The following SOS1 variants were observed in gnomAD, a reference collection of about 807,000 sequenced individuals.
The protein encoded by SOS1 is SOS Ras/Rac guanine nucleotide exchange factor 1.
SOS1 carries 25 observed loss-of-function variants against 157.6 expected under a neutral mutation model. The ratio of observed to expected loss-of-function variants is 0.16; its 90% CI spans 0.12 to 0.22. The LOEUF (loss-of-function observed/expected upper bound fraction) is 0.22. Ranked by LOEUF, SOS1 falls within the 10% of genes least tolerant of loss-of-function variation. SOS1 has a pLI of 1.00. For missense variants in SOS1, 1,237 were observed against 1,599.1 expected (o/e 0.77, Z 3.86); for synonymous variants, 528 against 534.0 (o/e 0.99, Z 0.16).
intron 1 of SOS1, among the ~76,000 whole-genome samples, chr2:39,077,686 A>G (rs1365072074): frequency 6.6e-6 from 1 of 152,216 alleles, no homozygotes; most frequent in Non-Finnish European, 1.5e-5. Flanking sequence ...CTTGTATGAA[A>G]ATAATATAAA....
At chr2:39,096,151 A>T (rs1279023490) in intron 1 of SOS1, among the ~76,000 whole-genome samples, 1 of 152,228 alleles carries the variant, frequency 6.6e-6, no homozygotes, top group Non-Finnish European at 1.5e-5. Context: ...TAGACAGGGG[A>T]AAGCAAGACT....
At chr2:39,056,928 A>G in intron 3 of SOS1, 62 bp from the exon 4 acceptor site, 1 of 1,172,304 alleles carries the variant, frequency 8.5e-7, no homozygotes, top group Admixed American at 1.8e-5. Context: ...CACACTGATT[A>G]AAAATAAAAA....
intron 1 of SOS1, among the ~76,000 whole-genome samples, chr2:39,102,230 A>AAAAAAAAAAAT (rs1553370166): frequency 2.8e-5 from 4 of 142,860 alleles, no homozygotes; most frequent in Non-Finnish European, 4.5e-5. Flanking sequence ...AAAAAAAAAA[A>AAAAAAAAAAAT]GTGCCACTTT....
chr2:39,049,225 T>C (rs1023579180), intron 6 of SOS1, among the ~76,000 whole-genome samples: 3 of 152,214 alleles, frequency 2.0e-5, no homozygotes, highest in African/African-American at 7.2e-5. Context: ...GCTATCCTTA[T>C]TACTTTCAAT....
In SOS1 at chr2:39,120,403, G is replaced by A. The variant is rs755983212; in HGVS notation, c.20C>T (p.Pro7Leu). Residue 7 changes from proline to leucine, a missense_variant, in exon 1 of 23, where the codon CCC becomes CTC. This residue lies in a region of SOS1 where 99 missense variants were observed against 81.6 expected (regional missense o/e 1.21). Coordinates refer to ENST00000402219, the MANE Select transcript of SOS1 (RefSeq NM_005633.4). Reference protein sequence around the residue: MQAQQLPYEFFSEENAP... With the variant: MQAQQLLYEFFSEENAP... ...GTTCTCTTCGCTGAAAAACTCGTAGGGCAGCTGCTGCGCCTGCATGGTGCC... is the reference window on the plus strand; with the variant it reads ...GTTCTCTTCGCTGAAAAACTCGTAGAGCAGCTGCTGCGCCTGCATGGTGCC... 8.1e-6 allele frequency: 13 copies of A among 1,597,718 alleles called. No individual in the cohort carries two copies. Among genetic ancestry groups the A allele is most frequent in the Non-Finnish European group, 1.1e-5 (13 of 1,173,816 alleles).
chr2:39,020,841 T>C (rs1166093544), intron 10 of SOS1, among the ~76,000 whole-genome samples: 1 of 151,702 alleles, frequency 6.6e-6, no homozygotes, highest in African/African-American at 2.4e-5. Flanking sequence ...ACCAGTAATA[T>C]ATTTATGACA....
intron 6 of SOS1, among the ~76,000 whole-genome samples, chr2:39,037,531 A>T (rs1255117406): frequency 6.6e-6 from 1 of 151,720 alleles, no homozygotes; most frequent in Non-Finnish European, 1.5e-5. Flanking sequence ...TCACAATTAT[A>T]AAAAAAAATT....
intron 8 of SOS1, among the ~76,000 whole-genome samples, chr2:39,031,433 T>G (rs1356703399): frequency 6.6e-6 from 1 of 152,074 alleles, no homozygotes; most frequent in African/African-American, 2.4e-5. Flanking sequence ...TTGCTAACCT[T>G]TAAAATATTG....
At chr2:39,003,871 C>G (rs952054399) in intron 17 of SOS1, among the ~76,000 whole-genome samples, 4 of 152,280 alleles carry the variant, frequency 2.6e-5, no homozygotes, top group Non-Finnish European at 4.4e-5. Context: ...GGACTGGATA[C>G]TTACTTATTG....
At chr2:39,050,217 C>T (rs773396459) in intron 6 of SOS1, among the ~76,000 whole-genome samples, 1 of 152,188 alleles carries the variant, frequency 6.6e-6, no homozygotes, top group East Asian at 1.9e-4. Context: ...AGTGAGAACA[C>T]AGCAAATGCT....
chr2:39,112,966 G>A (rs1038338290), intron 1 of SOS1, among the ~76,000 whole-genome samples: 3 of 151,938 alleles, frequency 2.0e-5, no homozygotes, highest in Non-Finnish European at 4.4e-5. Context: ...AACCTGGGAG[G>A]TGGAGGCTAC....
chr2:39,045,795 G>A (rs905450633), intron 6 of SOS1, among the ~76,000 whole-genome samples: 2 of 152,044 alleles, frequency 1.3e-5, no homozygotes, highest in Admixed American at 6.6e-5. Flanking sequence ...CCGCAACTCC[G>A]CCTCCTGGCT....
chr2:39,038,377 T>C (rs1241490671), intron 6 of SOS1, among the ~76,000 whole-genome samples: 1 of 152,082 alleles, frequency 6.6e-6, no homozygotes, highest in Non-Finnish European at 1.5e-5. Context: ...ATGATGTGAC[T>C]TGAATTGCTG....
chr2:39,041,957 T>G (rs555970770), intron 6 of SOS1, among the ~76,000 whole-genome samples: 1 of 152,330 alleles, frequency 6.6e-6, no homozygotes, highest in South Asian at 2.1e-4. Flanking sequence ...TATGACCCAG[T>G]GTCATTTATT....
chr2:39,017,264 C>G (rs1240703823), intron 10 of SOS1, among the ~76,000 whole-genome samples: 1 of 151,950 alleles, frequency 6.6e-6, no homozygotes, highest in Non-Finnish European at 1.5e-5. Context: ...CTTAAAGTTT[C>G]CACAGCTGTG....
chr2:39,055,128 G>A lies in SOS1; in HGVS notation c.511-305C>T, dbSNP rs1287488480. ...TCCTGTCTTTAATTTCCCTGACTTG[G>A]TTTTCTCTGTTTTATACCCTGCCAT... On this transcript the variant is annotated intron_variant, in intron 4 of 22. Coordinates refer to ENST00000402219, the MANE Select transcript of SOS1 (RefSeq NM_005633.4). Among the ~76,000 whole-genome samples the A allele has an allele frequency of 2.0e-5, 3 of 152,046 alleles. No homozygotes were observed. The East Asian group carries it at 5.8e-4, about 29-fold the overall frequency.
At chr2:39,064,365 A>C (rs977405996) in intron 2 of SOS1, among the ~76,000 whole-genome samples, 2 of 152,154 alleles carry the variant, frequency 1.3e-5, no homozygotes, top group African/African-American at 4.8e-5. Flanking sequence ...TTAGGTTTCA[A>C]CATGAATTTG....
intron 2 of SOS1, among the ~76,000 whole-genome samples, chr2:39,064,195 T>C (rs1463350871): frequency 6.6e-6 from 1 of 152,188 alleles, no homozygotes; most frequent in Admixed American, 6.5e-5. Flanking sequence ...ATGTACAACA[T>C]GATGATGCTT....
intron 10 of SOS1, among the ~76,000 whole-genome samples, chr2:39,018,147 A>G (rs1669684776): frequency 6.6e-6 from 1 of 151,946 alleles, no homozygotes; most frequent in Admixed American, 6.6e-5. Context: ...GTTTGGCTTT[A>G]TAACATAAGC....
Sources: gnomAD v4.1 joint callset for allele counts (sites outside exome capture counted in the v4.1 genomes callset) on GRCh38, gnomAD v4.1.1 for gene constraint, gnomAD v4.1.1 regional missense constraint, MANE v1.5 for transcripts, NCBI Gene and HGNC (gene_info 2026-07-23, HGNC 2026-07-21) for gene names.